Variants in SORBS2 observed in about 807,000 individuals in gnomAD.
The protein encoded by SORBS2 is sorbin and SH3 domain containing 2, also known as sorbin and SH3 domain-containing protein 2.
A neutral mutation model predicts 97.7 loss-of-function variants in SORBS2; 46 were observed. The observed-to-expected ratio is 0.47, with a 90% confidence interval of 0.37 to 0.60. The LOEUF (loss-of-function observed/expected upper bound fraction) is 0.60, where lower values mean the gene tolerates loss of function less well. Ranked by LOEUF, SORBS2 falls within the 20% of genes least tolerant of loss-of-function variation. The pLI, the probability that SORBS2 is intolerant of heterozygous loss-of-function variation, is 0.00. For missense variants in SORBS2, 1,316 were observed against 1,282.3 expected (o/e 1.03, Z -0.40); for synonymous variants, 476 against 473.4 (o/e 1.01, Z -0.07).
intron 6 of SORBS2, among the ~76,000 whole-genome samples, chr4:185,626,180 C>T (rs945962187): frequency 4.6e-5 from 7 of 152,118 alleles, no homozygotes; most frequent in Admixed American, 6.5e-5. Context: ...AGGAGACGGG[C>T]CATCCAGAAA....
intron 1 of SORBS2, among the ~76,000 whole-genome samples, chr4:185,920,317 AGCACAAGGTGTCTCTGT>A (rs1394810886): frequency 6.6e-6 from 1 of 152,194 alleles, no homozygotes; most frequent in African/African-American, 2.4e-5. Flanking sequence ...AATTTACCGT[AGCACAAGGTGTCTCTGT>A]CCCAAGGTTT....
chr4:185,645,158 T>C (rs918288565), intron 4 of SORBS2, among the ~76,000 whole-genome samples: 1 of 152,208 alleles, frequency 6.6e-6, no homozygotes, highest in Non-Finnish European at 1.5e-5. Flanking sequence ...TACCAAAGCA[T>C]TCCAATACCA....
rs921572817 is a variant in SORBS2, at chr4:185,844,919, A to G, written c.-337-69553T>C. ...ACACTCAGAAGAGGCAAATCCATAC[A>G]GGCAGGAAGTAAATTAGTGCCTGCC... is the stretch of plus-strand genomic sequence containing the variant. On this transcript the variant is annotated intron_variant, in intron 1 of 20. Coordinates refer to the SORBS2 transcript ENST00000284776. 7.9e-5 allele frequency among the ~76,000 whole-genome samples: 12 copies of G among 152,206 alleles called. 1 individual carries two copies. Among genetic ancestry groups the G allele is most frequent in the African/African-American group, 2.7e-4 (11 of 41,448 alleles).
intron 7 of SORBS2, 29 bp from the exon 20 acceptor site, chr4:185,620,180 T>C (rs1260744076): frequency 4.3e-6 from 6 of 1,411,742 alleles, no homozygotes; most frequent in Non-Finnish European, 6.0e-6. Flanking sequence ...CCAGTCATGG[T>C]GAGTATCCAC....
chr4:185,847,196 A>G (rs997356375), intron 1 of SORBS2, among the ~76,000 whole-genome samples: 2 of 152,148 alleles, frequency 1.3e-5, no homozygotes, highest in Non-Finnish European at 2.9e-5. Context: ...GCTCCAGTGG[A>G]CTTTTTACCA....
rs763262780 is a variant in SORBS2 at position 185,684,716 on chromosome 4, A to C, written c.-197-5894T>G. 7.2e-7 allele frequency: 1 copy of C among 1,394,932 alleles called. No individual in the cohort carries two copies. The highest frequency in any genetic ancestry group is 1.2e-5 in the South Asian group (1 of 80,188). 86.4% of individuals were successfully genotyped at this position (1,394,932 alleles called of 1,614,324 possible). ...AAAACAGTCAGAAGAGCTAGAAGCC[A>C]TTCAAGTGCGACATTGTGTGAGTTA... On this transcript the variant is annotated intron_variant, in intron 2 of 20. Transcript: ENST00000284776. This position sits in a 1 kb window ranked among gnomAD's most constrained non-coding sequence, Gnocchi z 4.2.
intron 2 of SORBS2, among the ~76,000 whole-genome samples, chr4:185,651,169 G>T (rs2097307416): frequency 1.3e-5 from 2 of 152,222 alleles, no homozygotes; most frequent in South Asian, 2.1e-4. Context: ...AGAAAGTGAT[G>T]AAGGGAAAAA....
chr4:185,917,710 G>A (rs967385382), intron 1 of SORBS2, among the ~76,000 whole-genome samples: 2 of 152,146 alleles, frequency 1.3e-5, no homozygotes, highest in Admixed American at 6.5e-5. Flanking sequence ...GCAGACTTGG[G>A]ACTGAACCTT....
intron 2 of SORBS2, among the ~76,000 whole-genome samples, chr4:185,754,586 C>T (rs1020562574): frequency 6.6e-6 from 1 of 152,200 alleles, no homozygotes; most frequent in Non-Finnish European, 1.5e-5. Flanking sequence ...TCTGCTAGCT[C>T]TACAGTTTTT....
At chr4:185,621,780 A>T (rs1043785040) in intron 7 of SORBS2, among the ~76,000 whole-genome samples, 5 of 152,178 alleles carry the variant, frequency 3.3e-5, no homozygotes, top group African/African-American at 4.8e-5. Context: ...TATACTATAA[A>T]TTCTGAATTA....
At chr4:185,770,684 A>T (rs1322004834) in intron 2 of SORBS2, among the ~76,000 whole-genome samples, 1 of 148,892 alleles carries the variant, frequency 6.7e-6, no homozygotes. Flanking sequence ...CTGATCAGAC[A>T]AACACTGATT....
Position 185,930,973 on chromosome 4 carries a change from G to A in SORBS2, c.-338+25223C>T, listed in dbSNP as rs1342090021. On this transcript the variant is annotated intron_variant, in intron 1 of 20. Transcript: ENST00000284776. The stretch of plus-strand genomic sequence containing the variant: ...TTGATATACCTACCCTATTGAAATG[G>A]ATAATTTCATTAATAGTAAGTTAGA... Among the ~76,000 whole-genome samples the A allele has an allele frequency of 6.6e-5, 10 of 152,212 alleles. No individual in the cohort carries two copies. In the East Asian group the frequency reaches 1.7e-3, roughly 26 times the overall value.
intron 2 of SORBS2, chr4:185,756,936 G>A: frequency 2.1e-6 from 3 of 1,441,054 alleles, no homozygotes; most frequent in South Asian, 2.3e-5. Flanking sequence ...TCATTTCTGG[G>A]TAAGGGAAAA....
chr4:185,946,888 C>G (rs969605606), intron 1 of SORBS2, among the ~76,000 whole-genome samples: 2 of 152,216 alleles, frequency 1.3e-5, no homozygotes, highest in African/African-American at 4.8e-5. Flanking sequence ...CTCCCTGACT[C>G]CAGAAATCAT....
At position 185,673,001 on chromosome 4, in the gene SORBS2, C is replaced by T. The variant is rs1265217085; in HGVS notation, c.-46+5422G>A. The stretch of plus-strand genomic sequence containing the variant: ...TTGATGGACAAATAGATAAAGACAA[C>T]GTGGTGTATACGCATACTAGGATAC... On this transcript the variant is annotated intron_variant, in intron 4 of 20. Coordinates refer to the SORBS2 transcript ENST00000284776. 2.6e-5 allele frequency among the ~76,000 whole-genome samples: 4 copies of T among 152,224 alleles called. 1 individual carries two copies. The highest frequency in any genetic ancestry group is 2.4e-5 in the African/African-American group (1 of 41,522).
chr4:185,826,279 A>G (rs2099199694), intron 1 of SORBS2, among the ~76,000 whole-genome samples: 1 of 152,050 alleles, frequency 6.6e-6, no homozygotes, highest in Non-Finnish European at 1.5e-5. Context: ...AAATGTTTTC[A>G]CTCAGAGTGG....
At chr4:185,714,375 A>T (rs891892901) in intron 2 of SORBS2, among the ~76,000 whole-genome samples, 8 of 152,198 alleles carry the variant, frequency 5.3e-5, no homozygotes, top group African/African-American at 1.4e-4. Flanking sequence ...ACTGAGTTTC[A>T]TGGATACACT....
intron 2 of SORBS2, among the ~76,000 whole-genome samples, chr4:185,722,536 T>C (rs1260048576): frequency 6.6e-6 from 1 of 152,210 alleles, no homozygotes; most frequent in Non-Finnish European, 1.5e-5. Flanking sequence ...CTTTGCAGAA[T>C]GGTACTCTAC....
intron 2 of SORBS2, among the ~76,000 whole-genome samples, chr4:185,711,640 C>A (rs574829477): frequency 1.3e-5 from 2 of 152,324 alleles, no homozygotes; most frequent in African/African-American, 2.4e-5. Context: ...ATCTGTTCTA[C>A]ATCCTTCCCC....
Sources: gnomAD v4.1 joint callset for allele counts (sites outside exome capture counted in the v4.1 genomes callset) on GRCh38, gnomAD v4.1.1 for gene constraint, Gnocchi (gnomAD v3.1) non-coding constraint, MANE v1.5 for transcripts, NCBI Gene and HGNC (gene_info 2026-07-23, HGNC 2026-07-21) for gene names.